ALDH3B2: variants seen among roughly 807,000 people sequenced by gnomAD.
ALDH3B2 encodes the protein aldehyde dehydrogenase family 3 member B2.
A neutral mutation model predicts 36.7 loss-of-function variants in ALDH3B2; 45 were observed. The observed-to-expected ratio is 1.23, with a 90% confidence interval of 0.97 to 1.57. ALDH3B2 has a LOEUF of 1.57. ALDH3B2 is among the 40% of genes most tolerant of loss of function. ALDH3B2 has a pLI of 0.00. For synonymous variants in ALDH3B2, 217 were observed against 226.5 expected (o/e 0.96, Z 0.38); for missense variants, 464 against 513.3 (o/e 0.90, Z 0.93).
chr11:67,664,557 T>C (rs775460501), exon 8 of ALDH3B2: 1 of 1,613,094 alleles, frequency 6.2e-7, no homozygotes, highest in Non-Finnish European at 8.5e-7. Flanking sequence ...ACCAGCACCG[T>C]GGGGGCTGCG....
At chr11:67,668,039 C>G (rs1217478909) in intron 1 of ALDH3B2, 1 of 152,768 alleles carries the variant, frequency 6.5e-6, no homozygotes, top group African/African-American at 2.4e-5. Context: ...CCCCTACACC[C>G]AGACCACTCA....
At chr11:67,664,273 G>GA (rs1855833577) in intron 8 of ALDH3B2, 123 bp downstream of exon 8, 1 of 1,472,096 alleles carries the variant, frequency 6.8e-7, no homozygotes, top group East Asian at 2.3e-5. Flanking sequence ...AGGTGGCCTA[G>GA]ATATAGTCAC....
Position 67,666,891 on chromosome 11 carries a change from G to T in ALDH3B2, c.30+15C>A. The T allele has an allele frequency of 6.2e-7, 1 of 1,614,210 alleles. No individual in the cohort carries two copies. The highest frequency in any genetic ancestry group is 8.5e-7 in the Non-Finnish European group (1 of 1,180,024). On this transcript the variant is annotated intron_variant, in intron 3 of 9. Coordinates refer to ENST00000349015, the Ensembl canonical transcript of ALDH3B2. ...GCCCTGCCCTGCCCTCCTGCCGCCTGCCAGCAGGGCTCACCAGGTTCGTGG... is the reference window on the plus strand; with the variant it reads ...GCCCTGCCCTGCCCTCCTGCCGCCTTCCAGCAGGGCTCACCAGGTTCGTGG...
chr11:67,665,440 T>C (rs1478369229), exon 7 of ALDH3B2: 4 of 1,613,892 alleles, frequency 2.5e-6, no homozygotes, highest in Non-Finnish European at 3.4e-6. Context: ...GATGGTGCTC[T>C]GCAGGGCGGG....
exon 6 of ALDH3B2, chr11:67,666,140 C>T (rs897775723): frequency 6.2e-7 from 1 of 1,614,092 alleles, no homozygotes; most frequent in Non-Finnish European, 8.5e-7. Context: ...AAGATGTAGT[C>T]CAACTTGTGC....
rs201752224 is a variant in ALDH3B2, at chr11:67,672,909, CTTTCTTTTCTTTTCT to C, written c.-245+1513_-245+1527del. Among the ~76,000 whole-genome samples, 29 of 145,986 alleles carry C rather than the reference CTTTCTTTTCTTTTCT, an allele frequency of 2.0e-4. No individual in the cohort carries two copies. The East Asian group carries it at 4.4e-3, about 22-fold the overall frequency. On this transcript the variant is annotated intron_variant, in intron 1 of 9. Coordinates refer to ENST00000349015, the Ensembl canonical transcript of ALDH3B2. ...CCTGGCCACAAAATGAACTTTCTTT[CTTTCTTTTCTTTTCT>C]TTTCTTTTCTTTTTTTTTTTTTTTG...
upstream of ALDH3B2, chr11:67,674,746 G>A (rs1856227319): frequency 6.6e-6 from 1 of 152,394 alleles, no homozygotes; most frequent in Non-Finnish European, 1.5e-5. Context: ...TGTTCTTCCA[G>A]GGCCCTGCCC....
intron 1 of ALDH3B2, among the ~76,000 whole-genome samples, chr11:67,673,436 G>C (rs920611121): frequency 6.6e-6 from 1 of 152,184 alleles, no homozygotes; most frequent in East Asian, 1.9e-4. Context: ...TCCAGAGGTG[G>C]CCAGAGACCC....
chr11:67,674,528 C>A (rs901980580), exon 1 of ALDH3B2: 1 of 160,054 alleles, frequency 6.2e-6, no homozygotes, highest in African/African-American at 2.4e-5. Flanking sequence ...TGCTCCTACC[C>A]CCAGGCCTCA....
exon 7 of ALDH3B2, chr11:67,665,500 A>T: frequency 6.2e-7 from 1 of 1,614,060 alleles, no homozygotes; most frequent in Non-Finnish European, 8.5e-7. Context: ...GTCAGGGGCC[A>T]CGCAGGTCTG....
At chr11:67,677,471 TC>T (rs1856292278), upstream of ALDH3B2, among the ~76,000 whole-genome samples, 1 of 152,070 alleles carries the variant, frequency 6.6e-6, no homozygotes. Flanking sequence ...ATAAAAGCCA[TC>T]TATGACAAAA....
At chr11:67,674,046 C>T (rs186907132) in intron 1 of ALDH3B2, among the ~76,000 whole-genome samples, 24 of 152,316 alleles carry the variant, frequency 1.6e-4, no homozygotes, top group Admixed American at 4.6e-4. Flanking sequence ...CCCGATTCTC[C>T]GGCACCTCCT....
intron 2 of ALDH3B2, among the ~76,000 whole-genome samples, 199 bp from the exon 3 acceptor site, chr11:67,667,215 G>A (rs571131691): frequency 6.6e-6 from 1 of 152,340 alleles, no homozygotes; most frequent in East Asian, 1.9e-4. Flanking sequence ...CCTTGGGCAA[G>A]CGATGTTAAC....
intron 1 of ALDH3B2, among the ~76,000 whole-genome samples, chr11:67,669,746 C>G (rs372948926): frequency 1.5e-3 from 78 of 51,546 alleles, no homozygotes; most frequent in Middle Eastern, 0.04. Flanking sequence ...GTATGGGTGT[C>G]TGTGTCCACG....
exon 7 of ALDH3B2, chr11:67,665,603 G>A (rs1361552811): frequency 6.2e-7 from 1 of 1,614,012 alleles, no homozygotes; most frequent in Admixed American, 1.7e-5. Flanking sequence ...TTGCCCCCCA[G>A]CTCCAGGGTG....
chr11:67,663,420 A>G (rs776780038), intron 9 of ALDH3B2, 21 bp from the exon 10 acceptor site: 3 of 1,598,570 alleles, frequency 1.9e-6, no homozygotes, highest in African/African-American at 2.7e-5. Flanking sequence ...ACAGAGAACA[A>G]GGGCCTGAGA....
At chr11:67,678,720 T>TATATATAC (rs1403120719), upstream of ALDH3B2, among the ~76,000 whole-genome samples, 30 of 150,400 alleles carry the variant, frequency 2.0e-4, no homozygotes, top group African/African-American at 7.1e-4. Flanking sequence ...TATATATATA[T>TATATATAC]ATACACGCTA....
At chr11:67,671,270 C>T (rs1018511130) in intron 1 of ALDH3B2, 4 of 152,286 alleles carry the variant, frequency 2.6e-5, no homozygotes, top group South Asian at 2.1e-4. Context: ...GTCGCCTGTC[C>T]TCACATGTGC....
chr11:67,669,751 TCCA>T (rs1705101698), intron 1 of ALDH3B2, among the ~76,000 whole-genome samples: 2 of 136,884 alleles, frequency 1.5e-5, no homozygotes, highest in African/African-American at 6.2e-5. Flanking sequence ...GGTGTCTGTG[TCCA>T]CGTGTGTCTG....
Sources: gnomAD v4.1 joint callset for allele counts (sites outside exome capture counted in the v4.1 genomes callset) on GRCh38, gnomAD v4.1.1 for gene constraint, MANE v1.5 for transcripts, NCBI Gene and HGNC (gene_info 2026-07-23, HGNC 2026-07-21) for gene names.